Variants in FBXL20 observed in about 807,000 individuals in gnomAD.
FBXL20 encodes F-box/LRR-repeat protein 20.
FBXL20 carries 11 observed loss-of-function variants against 64.0 expected under a neutral mutation model. That is an observed-to-expected ratio of 0.17 (90% CI 0.11 to 0.28). The LOEUF is 0.28. FBXL20 is among the 10% of genes least tolerant of loss of function. The pLI, the probability that FBXL20 is intolerant of heterozygous loss-of-function variation, is 1.00. For synonymous variants in FBXL20, 184 were observed against 189.0 expected, an observed-to-expected ratio of 0.97 and a Z score of 0.22; for missense variants, 303 against 526.2, an observed-to-expected ratio of 0.58 and a Z score of 4.15.
At chr17:39,306,902 T>C (rs1479973843) in intron 2 of FBXL20, among the ~76,000 whole-genome samples, 2 of 152,134 alleles carry the variant, frequency 1.3e-5, no homozygotes, top group Non-Finnish European at 2.9e-5. Flanking sequence ...AAAGCAAATA[T>C]AACTGATCTA....
Position 39,265,419 on chromosome 17 carries a change from T to A in FBXL20, c.968A>T (p.His323Leu). ...CACCAATACTTGAAGTCGAGGACAG[T>A]GTATAGAAAGTTGGATTAATGTGCT... ...TDSTLIQLSI[H>L]CPRLQVLSLS... The change falls in exon 13 of 15, where the codon CAC becomes CTC. Residue 323 changes from histidine to leucine, a missense_variant. This residue lies in a region of FBXL20 where 246 missense variants were observed against 422.6 expected (regional missense o/e 0.58). Coordinates refer to ENST00000264658, the MANE Select transcript of FBXL20 (RefSeq NM_032875.3). The A allele has an allele frequency of 6.2e-7, 1 of 1,611,778 alleles. No individual in the cohort carries two copies. The highest frequency in any genetic ancestry group is 8.5e-7 in the Non-Finnish European group (1 of 1,178,094).
At chr17:39,304,708 C>T (rs760453380) in intron 2 of FBXL20, among the ~76,000 whole-genome samples, 11 of 152,332 alleles carry the variant, frequency 7.2e-5, no homozygotes, top group Non-Finnish European at 1.5e-4. Flanking sequence ...TCTCCCACCT[C>T]AGCCTCCCAA....
chr17:39,392,340 T>C (rs530806783), intron 1 of FBXL20, among the ~76,000 whole-genome samples: 42 of 149,758 alleles, frequency 2.8e-4, no homozygotes, highest in South Asian at 1.1e-3. Context: ...CTCAGGAGGC[T>C]GAGGCACCAG....
rs982316956 is a variant in FBXL20 at position 39,263,966 on chromosome 17, C to T, written c.1203+209G>A. ...CTGGGAGGAGACCTACTTTTCTTCC[C>T]TTCAGTGGGTCTTTTCCTACTAAAT... On this transcript the variant is annotated intron_variant, in intron 14 of 14. Coordinates refer to ENST00000264658, the MANE Select transcript of FBXL20 (RefSeq NM_032875.3). The T allele has an allele frequency of 9.1e-5, 50 of 546,952 alleles. No homozygotes were observed. In the South Asian group the frequency reaches 1.2e-3, roughly 13 times the overall value. 33.9% of individuals were successfully genotyped at this position (546,952 alleles called of 1,614,324 possible). A position where few individuals can be genotyped will look rare whatever the true frequency, so the allele number is the denominator to read the frequency against.
In FBXL20 at chr17:39,401,491, G is replaced by A. The variant is rs965352910; in HGVS notation, c.-89C>T. On this transcript the variant is annotated 5_prime_UTR_variant, in exon 1 of 15. Coordinates refer to ENST00000264658, the MANE Select transcript of FBXL20 (RefSeq NM_032875.3). ...AGGACAGGCCCGGGAGTTCCGGGAC[G>A]GGGACTGGGCGCCGGAGGGGTGACG... The A allele has an allele frequency of 2.2e-5, 33 of 1,513,984 alleles. No homozygotes were observed. In the African/African-American group the frequency reaches 4.1e-4, roughly 19 times the overall value. 93.8% of individuals were successfully genotyped at this position (1,513,984 alleles called of 1,614,324 possible).
chr17:39,359,557 CACGCA>C (rs2047774709), intron 1 of FBXL20, among the ~76,000 whole-genome samples: 1 of 151,870 alleles, frequency 6.6e-6, no homozygotes, highest in African/African-American at 2.4e-5. Context: ...GAGCCAAGAT[CACGCA>C]ACTGCACTCC....
intron 1 of FBXL20, among the ~76,000 whole-genome samples, chr17:39,371,619 T>C (rs1196093001): frequency 6.6e-6 from 1 of 151,944 alleles, no homozygotes; most frequent in Non-Finnish European, 1.5e-5. Flanking sequence ...ATTCAATTCC[T>C]CCAAAGAACA....
At chr17:39,366,024 C>T (rs963845518) in intron 1 of FBXL20, among the ~76,000 whole-genome samples, 1 of 151,856 alleles carries the variant, frequency 6.6e-6, no homozygotes, top group South Asian at 2.1e-4. Context: ...GATGGGGTCT[C>T]GCTATGTCTG....
intron 6 of FBXL20, among the ~76,000 whole-genome samples, chr17:39,296,559 C>CAAAAAAAAAAAA (rs60002793): frequency 1.6e-5 from 1 of 62,162 alleles, no homozygotes; most frequent in Non-Finnish European, 3.3e-5. Context: ...GACTCTGTCT[C>CAAAAAAAAAAAA]AAAAAAAAAA....
At chr17:39,320,963 A>AT (rs1265712545) in intron 2 of FBXL20, among the ~76,000 whole-genome samples, 1 of 152,110 alleles carries the variant, frequency 6.6e-6, no homozygotes, top group Non-Finnish European at 1.5e-5. Flanking sequence ...TTTAATAAAA[A>AT]TCTTTATTTC....
At chr17:39,398,496 A>G (rs2048209021) in intron 1 of FBXL20, among the ~76,000 whole-genome samples, 1 of 152,202 alleles carries the variant, frequency 6.6e-6, no homozygotes, top group South Asian at 2.1e-4. Flanking sequence ...AGCACATACT[A>G]TGTTGACCTA....
intron 2 of FBXL20, among the ~76,000 whole-genome samples, chr17:39,339,515 G>A (rs1231101039): frequency 6.6e-6 from 1 of 152,060 alleles, no homozygotes; most frequent in Non-Finnish European, 1.5e-5. Context: ...TTGAAGCTGT[G>A]GATAAAATCC....
chr17:39,275,711 C>T (rs1050482409), intron 9 of FBXL20, among the ~76,000 whole-genome samples: 3 of 151,408 alleles, frequency 2.0e-5, no homozygotes, highest in African/African-American at 7.3e-5. Context: ...TGCCTGGCCT[C>T]AATTAAATAT....
At chr17:39,372,258 C>A (rs1451161707) in intron 1 of FBXL20, among the ~76,000 whole-genome samples, 9 of 152,046 alleles carry the variant, frequency 5.9e-5, no homozygotes, top group Admixed American at 5.9e-4. Context: ...CGGTGGCTCA[C>A]TCCTGTAATC....
Position 39,282,873 on chromosome 17 carries a change from T to C in FBXL20, c.495-18A>G, listed in dbSNP as rs775649023. 6.2e-7 allele frequency: 1 copy of C among 1,613,676 alleles called. No individual in the cohort carries two copies. Among genetic ancestry groups the C allele is most frequent in the East Asian group, 2.2e-5 (1 of 44,874 alleles). ...ATCCCTCACTTAGGATAAAACAAAATAAGAGAAACATATCACTAAATCCAA... is the reference window on the plus strand; with the variant it reads ...ATCCCTCACTTAGGATAAAACAAAACAAGAGAAACATATCACTAAATCCAA... On this transcript the variant is annotated intron_variant, in intron 7 of 14. Transcript: ENST00000264658.
chr17:39,392,397 A>G (rs2048142737), intron 1 of FBXL20, among the ~76,000 whole-genome samples: 1 of 150,964 alleles, frequency 6.6e-6, no homozygotes, highest in African/African-American at 2.4e-5. Context: ...CGAAGATCAC[A>G]CCACCGAATC....
chr17:39,352,868 A>C (rs1243966089), intron 1 of FBXL20, among the ~76,000 whole-genome samples: 1 of 152,188 alleles, frequency 6.6e-6, no homozygotes, highest in Non-Finnish European at 1.5e-5. Flanking sequence ...CTGTGTGGAA[A>C]GAAGACTATT....
chr17:39,373,204 T>C (rs1169166677), intron 1 of FBXL20, among the ~76,000 whole-genome samples: 1 of 152,094 alleles, frequency 6.6e-6, no homozygotes, highest in Admixed American at 6.6e-5. Context: ...AGGAAAAACT[T>C]TCTCTAAACA....
intron 1 of FBXL20, among the ~76,000 whole-genome samples, chr17:39,344,215 G>C (rs2047610285): frequency 2.0e-5 from 3 of 152,010 alleles, no homozygotes; most frequent in Non-Finnish European, 4.4e-5. Context: ...ACCAGGCGTG[G>C]TGGTGTGCGT....
Sources: allele counts gnomAD v4.1 joint callset (sites outside exome capture counted in the v4.1 genomes callset), GRCh38; gene constraint gnomAD v4.1.1; regional missense constraint gnomAD v4.1.1; transcripts MANE v1.5; gene names NCBI Gene and HGNC (gene_info 2026-07-23, HGNC 2026-07-21).